NAALADL2: variants seen among roughly 807,000 people sequenced by gnomAD.
The protein encoded by NAALADL2 is N-acetylated alpha-linked acidic dipeptidase like 2.
NAALADL2 carries 76 observed loss-of-function variants against 87.2 expected under a neutral mutation model. The observed-to-expected ratio is 0.87, with a 90% CI of 0.72 to 1.05. The LOEUF (loss-of-function observed/expected upper bound fraction) is 1.05, where lower values mean the gene tolerates loss of function less well. NAALADL2 is among the 50% of genes least tolerant of loss of function. The pLI, the probability that NAALADL2 is intolerant of heterozygous loss-of-function variation, is 0.00. For missense variants in NAALADL2, 1,089 were observed against 945.8 expected, an observed-to-expected ratio of 1.15 and a Z score of -1.99; for synonymous variants, 354 against 331.0, an observed-to-expected ratio of 1.07 and a Z score of -0.75.
chr3:175,020,842 C>T (rs1311963957), intron 1 of NAALADL2, among the ~76,000 whole-genome samples: 2 of 152,060 alleles, frequency 1.3e-5, no homozygotes, highest in Non-Finnish European at 2.9e-5. Flanking sequence ...TTCACATTCT[C>T]TTTCCAGAAT....
intron 2 of NAALADL2, among the ~76,000 whole-genome samples, chr3:174,613,235 G>T (rs1720110684): frequency 6.6e-6 from 1 of 151,872 alleles, no homozygotes; most frequent in Non-Finnish European, 1.5e-5. Flanking sequence ...TGCTGGGTCA[G>T]ACCTGAAGCC....
At chr3:175,282,435 A>T (rs900997161) in intron 4 of NAALADL2, among the ~76,000 whole-genome samples, 5 of 152,096 alleles carry the variant, frequency 3.3e-5, no homozygotes, top group Admixed American at 2.6e-4. Context: ...TACAATTTTA[A>T]AACCACAGTA....
intron 11 of NAALADL2, among the ~76,000 whole-genome samples, chr3:175,678,552 T>G (rs1439758083): frequency 2.0e-5 from 3 of 152,070 alleles, no homozygotes; most frequent in Admixed American, 1.3e-4. Context: ...CCATAAAAAA[T>G]GATGAGTTCA....
intron 3 of NAALADL2, among the ~76,000 whole-genome samples, chr3:174,780,694 G>A (rs375216557): frequency 4.7e-4 from 71 of 152,144 alleles, no homozygotes; most frequent in South Asian, 3.3e-3. Flanking sequence ...AGCATGAAGC[G>A]CTGTGGAATT....
At chr3:174,804,570 T>G (rs1020251769) in intron 3 of NAALADL2, among the ~76,000 whole-genome samples, 27 of 152,126 alleles carry the variant, frequency 1.8e-4, no homozygotes, top group African/African-American at 6.3e-4. Flanking sequence ...TGCATCCAGT[T>G]TTTGCCCATT....
intron 9 of NAALADL2, among the ~76,000 whole-genome samples, chr3:175,481,003 A>C (rs564615427): frequency 1.3e-5 from 2 of 151,832 alleles, no homozygotes; most frequent in Non-Finnish European, 2.9e-5. Context: ...CACTGAGAAC[A>C]TTTTTTCTTT....
rs535454312 is a variant in NAALADL2 at position 175,006,868 on chromosome 3, C to T, written c.44-89922C>T. Among the ~76,000 whole-genome samples the T allele has an allele frequency of 3.0e-4, 45 of 150,824 alleles. 1 individual carries two copies. Among genetic ancestry groups the T allele is most frequent in the African/African-American group, 1.1e-3 (45 of 41,100 alleles). ...GCCTTTTCTTTTTGGATGTTGTGAG[C>T]GTATGACTTATGCATTCTTATACGT... is the stretch of plus-strand genomic sequence containing the variant. On this transcript the variant is annotated intron_variant, in intron 1 of 13. Transcript: ENST00000454872.
At chr3:174,946,085 G>A (rs1244925791) in intron 1 of NAALADL2, among the ~76,000 whole-genome samples, 6 of 142,804 alleles carry the variant, frequency 4.2e-5, no homozygotes, top group African/African-American at 1.5e-4. Context: ...TTCAGAATGA[G>A]ACAGAAAAAA....
At chr3:175,271,215 A>G (rs938073006) in intron 4 of NAALADL2, 13 of 152,200 alleles carry the variant, frequency 8.5e-5, no homozygotes, top group African/African-American at 1.2e-4. Flanking sequence ...AAAGAAAAAG[A>G]TATACAAAAG....
At chr3:175,040,702 A>G (rs927833629) in intron 1 of NAALADL2, among the ~76,000 whole-genome samples, 26 of 152,204 alleles carry the variant, frequency 1.7e-4, no homozygotes, top group African/African-American at 6.3e-4. Flanking sequence ...TTTGTAAACT[A>G]TGAACTGCTA....
chr3:175,091,474 A>G (rs993624063), intron 1 of NAALADL2, among the ~76,000 whole-genome samples: 18 of 152,080 alleles, frequency 1.2e-4, no homozygotes, highest in Non-Finnish European at 2.5e-4. Flanking sequence ...AATCTGCTAC[A>G]GTCATTCATT....
At chr3:175,240,794 T>G (rs1276968815) in intron 3 of NAALADL2, among the ~76,000 whole-genome samples, 1 of 152,160 alleles carries the variant, frequency 6.6e-6, no homozygotes, top group Non-Finnish European at 1.5e-5. Context: ...TAGCTGGGAT[T>G]ACAGGCATGT....
At chr3:175,091,816 G>A (rs568803379) in intron 1 of NAALADL2, among the ~76,000 whole-genome samples, 1 of 152,016 alleles carries the variant, frequency 6.6e-6, no homozygotes, top group Admixed American at 6.6e-5. Flanking sequence ...ATAAATGTTA[G>A]CCAAACTTCT....
intron 4 of NAALADL2, among the ~76,000 whole-genome samples, chr3:175,314,956 T>C (rs1015665854): frequency 6.6e-5 from 10 of 151,928 alleles, no homozygotes; most frequent in African/African-American, 2.4e-4. Flanking sequence ...GCTATAAGGT[T>C]CCTGCTTCAA....
chr3:174,935,512 A>G (rs529604313), intron 1 of NAALADL2, among the ~76,000 whole-genome samples: 6 of 152,270 alleles, frequency 3.9e-5, no homozygotes, highest in African/African-American at 1.4e-4. Context: ...AAAATTTGCA[A>G]TTGAATTAGT....
chr3:174,953,993 A>G (rs1191364449), intron 1 of NAALADL2, among the ~76,000 whole-genome samples: 2 of 152,108 alleles, frequency 1.3e-5, no homozygotes, highest in Admixed American at 6.6e-5. Flanking sequence ...TGTTTAACAG[A>G]AAAACTTCCA....
chr3:175,049,186 A>G (rs1420613764), intron 1 of NAALADL2, among the ~76,000 whole-genome samples: 1 of 152,044 alleles, frequency 6.6e-6, no homozygotes, highest in African/African-American at 2.4e-5. Context: ...GATCTTGATG[A>G]TTTAGTATTG....
intron 2 of NAALADL2, among the ~76,000 whole-genome samples, chr3:174,713,880 C>G (rs1019827614): frequency 6.6e-6 from 1 of 152,006 alleles, no homozygotes; most frequent in Non-Finnish European, 1.5e-5. Flanking sequence ...TTGCCCATGC[C>G]TATGTCCTGA....
intron 11 of NAALADL2, among the ~76,000 whole-genome samples, chr3:175,705,971 T>C (rs1314398714): frequency 1.3e-5 from 2 of 152,140 alleles, no homozygotes; most frequent in Non-Finnish European, 2.9e-5. Context: ...TAACATGGCA[T>C]TTTCGGCTTA....
Sources: allele counts gnomAD v4.1 joint callset (sites outside exome capture counted in the v4.1 genomes callset), GRCh38; gene constraint gnomAD v4.1.1; transcripts MANE v1.5; gene names NCBI Gene and HGNC (gene_info 2026-07-23, HGNC 2026-07-21).